NMI: variants seen among roughly 807,000 people sequenced by gnomAD.
NMI encodes the protein N-myc and STAT interactor, also known as N-myc-interactor.
A neutral mutation model predicts 34.3 loss-of-function variants in NMI; 39 were observed. The observed-to-expected ratio is 1.14, with a 90% CI of 0.88 to 1.49. NMI has a LOEUF of 1.49. NMI is among the 40% of genes most tolerant of loss of function. The pLI, the probability that NMI is intolerant of heterozygous loss-of-function variation, is 0.00. For synonymous variants in NMI, 113 were observed against 120.3 expected (o/e 0.94, Z 0.40); for missense variants, 339 against 358.1 (o/e 0.95, Z 0.43).
chr2:151,289,477 G>A (rs979980428), intron 1 of NMI, 116 bp downstream of exon 1: 18 of 152,194 alleles, frequency 1.2e-4, no homozygotes, highest in African/African-American at 4.1e-4. Context: ...CTCAACTCCG[G>A]CGCTGTCCCA....
intron 1 of NMI, among the ~76,000 whole-genome samples, chr2:151,285,246 C>T (rs1223456189): frequency 1.3e-5 from 2 of 151,862 alleles, no homozygotes; most frequent in African/African-American, 2.4e-5. Context: ...AGTTTTTCAC[C>T]GTCAGAGAAG....
chr2:151,270,937 A>G, intron 7 of NMI, 62 bp from the exon 8 acceptor site: 1 of 1,209,746 alleles, frequency 8.3e-7, no homozygotes, highest in Non-Finnish European at 1.2e-6. Flanking sequence ...AAAACTTTAC[A>G]TTCATAATCT....
chr2:151,276,866 T>C (rs988185093), intron 4 of NMI, among the ~76,000 whole-genome samples: 1 of 152,246 alleles, frequency 6.6e-6, no homozygotes, highest in African/African-American at 2.4e-5. Flanking sequence ...AGTCCTGCTA[T>C]ATTGATCACA....
At chr2:151,271,836 G>T in intron 6 of NMI, 104 bp from the exon 7 acceptor site, 1 of 602,020 alleles carries the variant, frequency 1.7e-6, no homozygotes, top group Non-Finnish European at 2.9e-6. Context: ...TAAATATTGA[G>T]TTAAAAGATT....
intron 4 of NMI, among the ~76,000 whole-genome samples, chr2:151,276,389 T>C (rs1683293985): frequency 6.6e-6 from 1 of 152,148 alleles, no homozygotes; most frequent in Admixed American, 6.5e-5. Context: ...TCAAAGTATA[T>C]CAGCAAAATC....
rs757059246 is a variant in NMI, at chr2:151,281,992, G to A, written c.133C>T (p.Gln45Ter). 9.0e-6 allele frequency: 14 copies of A among 1,563,260 alleles called. No homozygotes were observed. The South Asian group carries it at 1.6e-4, about 18-fold the overall frequency. ...TCTTGTAACTCCGTTTCAAGCTTTT[G>A]GATCTCCTTCTTTAGTTGAATATTT... ...KKNIQLKKEI[Q>*]KLETELQEAT... Residue 45 changes from glutamine (Q) to a stop codon, truncating the protein, a stop_gained, in exon 3 of 8, where the codon CAA becomes TAA. Transcript: ENST00000243346. LOFTEE classifies it high-confidence loss of function.
chr2:151,272,650 T>C (rs183558844), intron 6 of NMI, among the ~76,000 whole-genome samples: 262 of 152,242 alleles, frequency 1.7e-3, no homozygotes, highest in Non-Finnish European at 3.0e-3. Flanking sequence ...TTTTTCACAA[T>C]AGGCAAAAGG....
intron 1 of NMI, among the ~76,000 whole-genome samples, chr2:151,286,553 C>T (rs1005649036): frequency 1.3e-5 from 2 of 152,112 alleles, no homozygotes; most frequent in African/African-American, 4.8e-5. Flanking sequence ...TCCCAAAGCA[C>T]AGGATGAAGG....
intron 6 of NMI, among the ~76,000 whole-genome samples, chr2:151,274,118 G>A (rs1273515302): frequency 2.6e-5 from 4 of 151,630 alleles, no homozygotes; most frequent in East Asian, 2.0e-4. Flanking sequence ...CAAGGCGGGC[G>A]TATCACTTGA....
chr2:151,287,992 G>C (rs1394054653), intron 1 of NMI, among the ~76,000 whole-genome samples: 1 of 152,114 alleles, frequency 6.6e-6, no homozygotes, highest in Non-Finnish European at 1.5e-5. Flanking sequence ...TGTAATAAAG[G>C]CTCTCAGCAT....
At chr2:151,278,729 G>A in intron 4 of NMI, 99 bp downstream of exon 4, 1 of 937,578 alleles carries the variant, frequency 1.1e-6, no homozygotes, top group South Asian at 1.5e-5. Flanking sequence ...ATGAGGATAA[G>A]AAATAATATA....
At chr2:151,288,855 G>A (rs1258641627) in intron 1 of NMI, 1 of 152,162 alleles carries the variant, frequency 6.6e-6, no homozygotes, top group African/African-American at 2.4e-5. Flanking sequence ...TGCCTATTCT[G>A]ACACGCCAGC....
chr2:151,275,449 CAG>C, intron 6 of NMI, 33 bp downstream of exon 6: 2 of 1,556,712 alleles, frequency 1.3e-6, no homozygotes, highest in African/African-American at 1.4e-5. Context: ...ACTGAAATGG[CAG>C]AGTGTCTGTT....
chr2:151,282,244 T>C (rs1683420415), intron 2 of NMI, among the ~76,000 whole-genome samples: 4 of 152,210 alleles, frequency 2.6e-5, no homozygotes, highest in Admixed American at 1.3e-4. Context: ...CAAGTAGTAC[T>C]ATCTCCATTA....
intron 1 of NMI, among the ~76,000 whole-genome samples, chr2:151,283,235 G>C (rs1422947351): frequency 6.6e-6 from 1 of 151,944 alleles, no homozygotes; most frequent in African/African-American, 2.4e-5. Context: ...CTGCCTCCCA[G>C]GTTCAAGTGA....
Position 151,270,518 on chromosome 2 carries a change from G to T in NMI, c.*175C>A. ...GTGCACTTATTGTAGTTGAAAACATGCAGCACCATTTGAAACAAAGAAGAT... is the reference window on the plus strand; with the variant it reads ...GTGCACTTATTGTAGTTGAAAACATTCAGCACCATTTGAAACAAAGAAGAT... On this transcript the variant is annotated 3_prime_UTR_variant, in exon 8 of 8. Coordinates refer to ENST00000243346, the MANE Select transcript of NMI (RefSeq NM_004688.3). 1.7e-6 allele frequency: 1 copy of T among 601,810 alleles called. No homozygotes were observed. The highest frequency in any genetic ancestry group is 2.9e-6 in the Non-Finnish European group (1 of 349,442). The allele number at this position is 601,810 out of a possible 1,614,324, so 37.3% of individuals were successfully genotyped here. A position where few individuals can be genotyped will look rare whatever the true frequency, so the allele number is the denominator to read the frequency against.
At chr2:151,281,918 A>G (rs1223911887) in intron 3 of NMI, 30 bp downstream of exon 3, 1 of 1,073,422 alleles carries the variant, frequency 9.3e-7, no homozygotes, top group South Asian at 1.4e-5. Context: ...TCCATCAAAA[A>G]TGTAGTATAT....
At position 151,275,612 on chromosome 2, in the gene NMI, C is replaced by A. The variant is rs534894310; in HGVS notation, c.506G>T (p.Arg169Leu). 2.5e-6 allele frequency: 4 copies of A among 1,614,000 alleles called. No homozygotes were observed. Among genetic ancestry groups the A allele is most frequent in the East Asian group, 2.2e-5 (1 of 44,890 alleles). The part of the protein sequence containing the change: ...INVTEIPDTL[R>L]EDQMRDKLEL... ...TAGTTTGTCTCTCATTTGATCTTCA[C>A]GCAATGTGTCAGGAATTTCAGTAAC... Residue 169 changes from arginine to leucine, a missense_variant, in exon 6 of 8, where the codon CGT (arginine) becomes CTT (leucine). Coordinates refer to ENST00000243346, the MANE Select transcript of NMI (RefSeq NM_004688.3).
At chr2:151,282,411 G>A (rs1185082536) in intron 2 of NMI, among the ~76,000 whole-genome samples, 2 of 152,202 alleles carry the variant, frequency 1.3e-5, no homozygotes, top group Non-Finnish European at 2.9e-5. Context: ...AAATTGCACT[G>A]TAATAGCGGA....
Sources: gnomAD v4.1 joint callset for allele counts (sites outside exome capture counted in the v4.1 genomes callset) on GRCh38, gnomAD v4.1.1 for gene constraint, MANE v1.5 for transcripts, NCBI Gene and HGNC (gene_info 2026-07-23, HGNC 2026-07-21) for gene names.